The following ATP6V1A variants were observed in gnomAD, a reference collection of about 807,000 sequenced individuals.
ATP6V1A encodes V-type proton ATPase catalytic subunit A.
Under a neutral mutation model 70.1 loss-of-function variants are expected in ATP6V1A, and 18 were observed. The observed-to-expected ratio is 0.26, with a 90% CI of 0.18 to 0.38. ATP6V1A has a LOEUF of 0.38. Ranked by LOEUF, ATP6V1A falls within the 10% of genes least tolerant of loss-of-function variation. The pLI is 1.00. For missense variants in ATP6V1A, 424 were observed against 772.4 expected (o/e 0.55, Z 5.35); for synonymous variants, 232 against 253.8 (o/e 0.91, Z 0.82).
At position 113,756,206 on chromosome 3, in the gene ATP6V1A, T is replaced by C. The variant is rs146402846; in HGVS notation, c.-14+9093T>C. ...AGCCCAGGGAGTCACTTTCCAGAGA[T>C]TGCTGCCATAATACCGCTAAACATG... On this transcript the variant is annotated intron_variant, in intron 1 of 14. Transcript: ENST00000273398. Among the ~76,000 whole-genome samples the C allele has an allele frequency of 5.5e-3, 844 of 152,306 alleles. 5 individuals carry two copies. The highest frequency in any genetic ancestry group is 0.019 in the African/African-American group (770 of 41,560).
At chr3:113,772,905 C>T (rs1334678306) in intron 1 of ATP6V1A, among the ~76,000 whole-genome samples, 3 of 145,482 alleles carry the variant, frequency 2.1e-5, no homozygotes, top group Non-Finnish European at 4.5e-5. Context: ...TCAGAATCAT[C>T]ATCATTTTTT....
intron 8 of ATP6V1A, among the ~76,000 whole-genome samples, chr3:113,790,065 T>G (rs1201944411): frequency 6.6e-6 from 1 of 151,972 alleles, no homozygotes; most frequent in Non-Finnish European, 1.5e-5. Flanking sequence ...AGGTCAGGAG[T>G]TCGAGACCAG....
chr3:113,788,441 TCTC>T (rs1239931280), intron 6 of ATP6V1A, among the ~76,000 whole-genome samples: 1 of 151,728 alleles, frequency 6.6e-6, no homozygotes, highest in Non-Finnish European at 1.5e-5. Flanking sequence ...TTCAAGCAAT[TCTC>T]CTGTCCCAGC....
rs558562786 is a variant in ATP6V1A at position 113,761,102 on chromosome 3, C to T, written c.-14+13989C>T. On this transcript the variant is annotated intron_variant, in intron 1 of 14. Transcript: ENST00000273398. ...AAATAGACATATTTTCTTTTCTTTT[C>T]TTTTTTTTTTTCTTTTTTTTTGAGA... 4.5e-3 allele frequency among the ~76,000 whole-genome samples: 659 copies of T among 145,186 alleles called. 12 individuals are homozygous for T. Among genetic ancestry groups the T allele is most frequent in the Admixed American group, 0.033 (478 of 14,530 alleles).
In ATP6V1A at chr3:113,808,522, G is replaced by A. The variant is rs924360870; in HGVS notation, c.1762-813G>A. Among the ~76,000 whole-genome samples, 10 of 151,930 alleles carry A rather than the reference G, an allele frequency of 6.6e-5. No homozygotes were observed. In the East Asian group the frequency reaches 7.8e-4, roughly 12 times the overall value. On this transcript the variant is annotated intron_variant, in intron 14 of 14. Transcript: ENST00000273398. Reference sequence around the variant, plus strand: ...TTGGCCAGGATGGTCTCAATCTCCCGACCTTGTGACTCGCCTGCCTCGGCC... The same window carrying A: ...TTGGCCAGGATGGTCTCAATCTCCCAACCTTGTGACTCGCCTGCCTCGGCC...
intron 10 of ATP6V1A, among the ~76,000 whole-genome samples, 170 bp from the exon 11 acceptor site, chr3:113,795,706 T>C (rs1256655798): frequency 6.6e-6 from 1 of 152,120 alleles, no homozygotes; most frequent in Non-Finnish European, 1.5e-5. Flanking sequence ...TGTTTAAGAT[T>C]TTTAGGTAAG....
intron 11 of ATP6V1A, among the ~76,000 whole-genome samples, chr3:113,797,345 C>T (rs1352319366): frequency 6.6e-6 from 1 of 151,806 alleles, no homozygotes; most frequent in African/African-American, 2.4e-5. Flanking sequence ...CTTCATCTTC[C>T]GGGTTCAAGC....
intron 1 of ATP6V1A, among the ~76,000 whole-genome samples, chr3:113,757,602 A>G (rs1202022024): frequency 1.3e-5 from 2 of 152,236 alleles, no homozygotes; most frequent in African/African-American, 4.8e-5. Context: ...ATAGATGAAT[A>G]AAGTACTTAA....
intron 1 of ATP6V1A, among the ~76,000 whole-genome samples, chr3:113,753,807 C>T (rs575165559): frequency 6.6e-6 from 1 of 151,650 alleles, no homozygotes; most frequent in Non-Finnish European, 1.5e-5. Flanking sequence ...GCTATCCTCC[C>T]GCCTCAGCCT....
chr3:113,772,785 G>C lies in ATP6V1A; in HGVS notation c.-13-5956G>C, dbSNP rs1472706937. ...CTTGGAAGTTTACACTTTAAAACTC[G>C]TGTTTTCATAATTATTATGAAAGAT... On this transcript the variant is annotated intron_variant, in intron 1 of 14. Transcript: ENST00000273398. Among the ~76,000 whole-genome samples, 3 of 151,546 alleles carry C rather than the reference G, an allele frequency of 2.0e-5. No homozygotes were observed. In the South Asian group the frequency reaches 6.2e-4, roughly 32 times the overall value.
chr3:113,778,572 T>A (rs77775258), intron 1 of ATP6V1A, among the ~76,000 whole-genome samples, 169 bp from the exon 2 acceptor site: 13 of 152,004 alleles, frequency 8.6e-5, no homozygotes, highest in African/African-American at 1.9e-4. Flanking sequence ...CTCTTAAAAA[T>A]TTTTTTTAAA....
chr3:113,767,348 A>C (rs1479382535), intron 1 of ATP6V1A, among the ~76,000 whole-genome samples: 1 of 152,098 alleles, frequency 6.6e-6, no homozygotes, highest in Non-Finnish European at 1.5e-5. Context: ...CAGCCTCTCA[A>C]AGTGCTCAGA....
chr3:113,801,466 A>T (rs1709211533), intron 12 of ATP6V1A, among the ~76,000 whole-genome samples: 4 of 152,162 alleles, frequency 2.6e-5, no homozygotes, highest in Admixed American at 2.6e-4. Context: ...GGGACAGAGG[A>T]GCTGGTGGGT....
chr3:113,754,130 G>A (rs1208551978), intron 1 of ATP6V1A, among the ~76,000 whole-genome samples: 1 of 152,096 alleles, frequency 6.6e-6, no homozygotes, highest in Non-Finnish European at 1.5e-5. Context: ...TGTATATGAT[G>A]GATTATGGGA....
rs201488905 is a variant in ATP6V1A, at chr3:113,802,148, CAGACAT to C, written c.1495-1431_1495-1426del. On this transcript the variant is annotated intron_variant, in intron 12 of 14. Transcript: ENST00000273398. ...TTAGCTATACTAGTAAAATAGCACTCAGACATAGAGTAGTACATACTTACTGTACTT... is the reference window on the plus strand; with the variant it reads ...TTAGCTATACTAGTAAAATAGCACTCAGAGTAGTACATACTTACTGTACTT... Among the ~76,000 whole-genome samples the C allele has an allele frequency of 8.7e-3, 1,328 of 152,230 alleles. 14 individuals are homozygous for C. Among genetic ancestry groups the C allele is most frequent in the African/African-American group, 0.029 (1,186 of 41,536 alleles).
chr3:113,778,803 C>A lies in ATP6V1A; in HGVS notation c.50C>A (p.Thr17Lys). The A allele has an allele frequency of 1.9e-6, 3 of 1,592,232 alleles. No individual in the cohort carries two copies. The highest frequency in any genetic ancestry group is 2.6e-6 in the Non-Finnish European group (3 of 1,169,736). ...PKILDEDKESTFGYVHGVSGP... is the reference protein window; with the variant it reads ...PKILDEDKESKFGYVHGVSGP... ...ATACTCGATGAAGATAAAGAAAGCA[C>A]ATTTGGTTATGTGCATGGGGTCTCA... is the stretch of plus-strand genomic sequence containing the variant. Residue 17 changes from threonine to lysine, a missense_variant, in exon 2 of 15, where the codon ACA becomes AAA. By Grantham distance (78) the Thr-to-Lys change is moderately conservative. Coordinates refer to ENST00000273398, the MANE Select transcript of ATP6V1A (RefSeq NM_001690.4).
intron 1 of ATP6V1A, among the ~76,000 whole-genome samples, chr3:113,751,195 T>A (rs1186123216): frequency 6.6e-6 from 1 of 152,078 alleles, no homozygotes; most frequent in African/African-American, 2.4e-5. Context: ...TTTAAAAAAA[T>A]TAAGTGTTTT....
intron 1 of ATP6V1A, among the ~76,000 whole-genome samples, chr3:113,764,454 A>T (rs984145791): frequency 1.3e-5 from 2 of 152,182 alleles, no homozygotes; most frequent in Non-Finnish European, 2.9e-5. Flanking sequence ...ATGTAAAAAA[A>T]ATTAATTGGG....
At chr3:113,751,144 G>T (rs1048582379) in intron 1 of ATP6V1A, among the ~76,000 whole-genome samples, 1 of 151,942 alleles carries the variant, frequency 6.6e-6, no homozygotes, top group Non-Finnish European at 1.5e-5. Flanking sequence ...GTAGAGCAGG[G>T]ACTTTTGAGT....
Sources: gnomAD v4.1 joint callset for allele counts (sites outside exome capture counted in the v4.1 genomes callset) on GRCh38, gnomAD v4.1.1 for gene constraint, MANE v1.5 for transcripts, NCBI Gene and HGNC (gene_info 2026-07-23, HGNC 2026-07-21) for gene names.